Variants in CAPZB observed in about 807,000 individuals in gnomAD.
CAPZB encodes F-actin-capping protein subunit beta.
In CAPZB, 2 loss-of-function variants were observed where a neutral mutation model predicts 38.1. That is an observed-to-expected ratio of 0.05 (90% CI 0.02 to 0.17). The LOEUF is 0.17. CAPZB is among the 10% of genes least tolerant of loss of function. The pLI is 1.00. For missense variants in CAPZB, 161 were observed against 334.2 expected, an observed-to-expected ratio of 0.48 and a Z score of 4.04; for synonymous variants, 107 against 127.4, an observed-to-expected ratio of 0.84 and a Z score of 1.08.
In CAPZB at chr1:19,385,988, A is replaced by G. The variant is rs147114872; in HGVS notation, c.94-362T>C. ...CAAGCTGAAGTCCCGAGAAGAAGGT[A>G]AACATTTCAAATACACAGGAATCTA... On this transcript the variant is annotated intron_variant, in intron 2 of 8. Transcript: ENST00000264202. 1.2e-4 allele frequency among the ~76,000 whole-genome samples: 19 copies of G among 152,360 alleles called. 1 individual carries two copies. Among genetic ancestry groups the G allele is most frequent in the African/African-American group, 3.8e-4 (16 of 41,590 alleles).
At position 19,365,834 on chromosome 1, in the gene CAPZB, C is replaced by CA. The variant is rs542853831; in HGVS notation, c.330-8272dup. Among the ~76,000 whole-genome samples the CA allele has an allele frequency of 5.4e-3, 752 of 138,958 alleles. 2 individuals carry two copies. The highest frequency in any genetic ancestry group is 0.026 in the South Asian group (119 of 4,544). 91.2% of individuals were successfully genotyped at this position (138,958 alleles called of 152,430 possible). A position where few individuals can be genotyped will look rare whatever the true frequency, so the allele number is the denominator to read the frequency against. ...GAGTAACAAGAGTGAAACTCCGTCT[C>CA]AAAAAGAAAAAAAGAAAAAGAAAAG... On this transcript the variant is annotated intron_variant, in intron 4 of 8. Transcript: ENST00000264202.
intron 1 of CAPZB, among the ~76,000 whole-genome samples, chr1:19,471,073 T>C (rs2094585371): frequency 6.6e-6 from 1 of 152,218 alleles, no homozygotes; most frequent in Non-Finnish European, 1.5e-5. Flanking sequence ...TTCCTACACA[T>C]GCATACCTAT....
At chr1:19,339,708 T>C (rs1369222870) in intron 8 of CAPZB, 91 bp from the exon 9 acceptor site, 8 of 989,476 alleles carry the variant, frequency 8.1e-6, no homozygotes, top group Non-Finnish European at 1.3e-5. Flanking sequence ...GCCTGGCTGA[T>C]TTGCTGCATG....
chr1:19,480,934 C>T (rs1359786774), intron 1 of CAPZB, among the ~76,000 whole-genome samples: 2 of 152,224 alleles, frequency 1.3e-5, no homozygotes, highest in Non-Finnish European at 2.9e-5. Context: ...ACTAACCATA[C>T]ACCCCTTTGC....
intron 1 of CAPZB, among the ~76,000 whole-genome samples, chr1:19,426,508 G>C (rs1275840044): frequency 6.6e-6 from 1 of 152,166 alleles, no homozygotes; most frequent in East Asian, 1.9e-4. Context: ...TATCATCAGA[G>C]CCCAGCACAA....
chr1:19,436,928 A>G (rs1432061716), intron 1 of CAPZB, among the ~76,000 whole-genome samples: 1 of 152,224 alleles, frequency 6.6e-6, no homozygotes, highest in Non-Finnish European at 1.5e-5. Flanking sequence ...TGTGGCTGGG[A>G]CTGCAGACAC....
At chr1:19,423,546 A>T (rs2094410061) in intron 1 of CAPZB, among the ~76,000 whole-genome samples, 1 of 134,256 alleles carries the variant, frequency 7.4e-6, no homozygotes, top group Admixed American at 7.8e-5. Context: ...TTTTTTAAAG[A>T]TAGGCTCTCA....
At chr1:19,432,404 C>T (rs1210976617) in intron 1 of CAPZB, among the ~76,000 whole-genome samples, 3 of 151,942 alleles carry the variant, frequency 2.0e-5, no homozygotes, top group East Asian at 1.9e-4. Context: ...ATAGCACCAC[C>T]GCACTCCAGC....
At chr1:19,404,543 TAAAAAAAAAA>T (rs11356951) in intron 2 of CAPZB, among the ~76,000 whole-genome samples, 51,219 of 128,104 alleles carry the variant, frequency 0.4, 9,258 homozygotes, top group African/African-American at 0.44. Flanking sequence ...AACTCCATGT[TAAAAAAAAAA>T]AAAAAAAAAA....
chr1:19,422,269 T>A (rs900183778), intron 1 of CAPZB, among the ~76,000 whole-genome samples: 9 of 152,066 alleles, frequency 5.9e-5, no homozygotes, highest in Non-Finnish European at 1.0e-4. Context: ...GGGCCAGGGA[T>A]GCTTCTAAAC....
intron 1 of CAPZB, chr1:19,484,649 G>A (rs2094644357): frequency 2.6e-6 from 3 of 1,167,058 alleles, no homozygotes; most frequent in South Asian, 1.7e-5. Context: ...AAGAAGGCGC[G>A]CCCCAGGTAC....
chr1:19,423,992 T>A (rs4911992), intron 1 of CAPZB, among the ~76,000 whole-genome samples: 30,478 of 151,814 alleles, frequency 0.2, 3,423 homozygotes, highest in Admixed American at 0.24. Flanking sequence ...TTCTATTTTT[T>A]GTAGAGATGG....
chr1:19,352,898 G>A (rs144255016), intron 6 of CAPZB, among the ~76,000 whole-genome samples: 1 of 152,378 alleles, frequency 6.6e-6, no homozygotes, highest in East Asian at 1.9e-4. Flanking sequence ...GTGCCCAGGA[G>A]AGTGGCGCTC....
intron 1 of CAPZB, among the ~76,000 whole-genome samples, chr1:19,474,626 CG>C (rs1268471600): frequency 1.3e-5 from 2 of 152,100 alleles, no homozygotes; most frequent in East Asian, 3.9e-4. Context: ...CTTGTAAGTA[CG>C]GGGCAGTTTA....
intron 4 of CAPZB, among the ~76,000 whole-genome samples, chr1:19,366,055 C>CGA (rs68098708): frequency 0.33 from 50,011 of 151,122 alleles, 9,133 homozygotes; most frequent in East Asian, 0.55. Context: ...TAAGATTCCA[C>CGA]GAGTCTTTCT....
At chr1:19,443,909 T>C (rs1033300526) in intron 1 of CAPZB, among the ~76,000 whole-genome samples, 2 of 152,164 alleles carry the variant, frequency 1.3e-5, no homozygotes, top group Admixed American at 1.3e-4. Flanking sequence ...CTGAATGAAA[T>C]ATCTGGTGGG....
chr1:19,348,469 A>C lies in CAPZB; in HGVS notation c.589-3217T>G, dbSNP rs374114244. On this transcript the variant is annotated intron_variant, in intron 6 of 8. Transcript: ENST00000264202. ...ACACCCTGACACCAAGAAATGGGAG[A>C]GAACTAGGGCTATCCAGGCCTGGCG... Among the ~76,000 whole-genome samples, 74 of 151,990 alleles carry C rather than the reference A, an allele frequency of 4.9e-4. 1 individual carries two copies. Among genetic ancestry groups the C allele is most frequent in the East Asian group, 3.3e-3 (17 of 5,168 alleles).
At chr1:19,446,544 T>A (rs1258412571) in intron 1 of CAPZB, among the ~76,000 whole-genome samples, 1 of 152,092 alleles carries the variant, frequency 6.6e-6, no homozygotes, top group African/African-American at 2.4e-5. Flanking sequence ...AAAATATTCA[T>A]AACCTCCTAG....
At chr1:19,362,891 TG>T (rs929929153) in intron 4 of CAPZB, among the ~76,000 whole-genome samples, 2 of 150,920 alleles carry the variant, frequency 1.3e-5, no homozygotes, top group Admixed American at 1.3e-4. Context: ...AACCATGAAG[TG>T]GGGGGGCCTC....
Sources: gnomAD v4.1 joint callset for allele counts (sites outside exome capture counted in the v4.1 genomes callset) on GRCh38, gnomAD v4.1.1 for gene constraint, MANE v1.5 for transcripts, NCBI Gene and HGNC (gene_info 2026-07-23, HGNC 2026-07-21) for gene names.